The following ATP6V0A1 variants were observed in gnomAD, a reference collection of about 807,000 sequenced individuals.
ATP6V0A1 encodes the protein V-type proton ATPase 116 kDa subunit a 1.
Under a neutral mutation model 105.4 loss-of-function variants are expected in ATP6V0A1, and 43 were observed. That is an observed-to-expected ratio of 0.41 (90% CI 0.32 to 0.53). ATP6V0A1 has a LOEUF of 0.53. Among genes scored for constraint, ATP6V0A1 ranks in the 20% least tolerant of loss-of-function variants. The pLI, the probability that ATP6V0A1 is intolerant of heterozygous loss-of-function variation, is 0.30. For missense variants in ATP6V0A1, 676 were observed against 1,051.1 expected (o/e 0.64, Z 4.93); for synonymous variants, 362 against 372.8 (o/e 0.97, Z 0.33).
At chr17:42,508,656 T>C in intron 19 of ATP6V0A1, 67 bp downstream of exon 19, 1 of 1,602,136 alleles carries the variant, frequency 6.2e-7, no homozygotes, top group South Asian at 1.1e-5. Flanking sequence ...TTGTGATCAC[T>C]CTGCTGACCC....
chr17:42,513,730 G>A, intron 19 of ATP6V0A1, 131 bp from the exon 20 acceptor site: 1 of 843,972 alleles, frequency 1.2e-6, no homozygotes, highest in Non-Finnish European at 1.9e-6. Flanking sequence ...CTCCAGAGTT[G>A]AGGTGCCATC....
intron 17 of ATP6V0A1, among the ~76,000 whole-genome samples, chr17:42,502,496 G>GCGCA (rs372417096): frequency 6.0e-5 from 9 of 150,220 alleles, no homozygotes; most frequent in African/African-American, 1.5e-4. Flanking sequence ...TTCTGCGCGC[G>GCGCA]CACACACACA....
intron 17 of ATP6V0A1, among the ~76,000 whole-genome samples, chr17:42,505,913 G>A (rs1047268950): frequency 2.8e-4 from 42 of 151,602 alleles, no homozygotes; most frequent in Admixed American, 2.6e-3. Context: ...TCAGCCTCCA[G>A]AGTAGCTGGG....
chr17:42,503,333 CCTT>C (rs2091821639), intron 17 of ATP6V0A1, among the ~76,000 whole-genome samples: 1 of 152,174 alleles, frequency 6.6e-6, no homozygotes, highest in Non-Finnish European at 1.5e-5. Context: ...TAGTAACTTA[CCTT>C]CTTTTTGAAA....
intron 21 of ATP6V0A1, among the ~76,000 whole-genome samples, chr17:42,516,304 C>T (rs556515472): frequency 2.0e-5 from 3 of 152,220 alleles, no homozygotes; most frequent in South Asian, 2.1e-4. Context: ...GAATGATGGG[C>T]GGAGAGTGAG....
At chr17:42,478,219 G>A (rs1214990110) in intron 6 of ATP6V0A1, among the ~76,000 whole-genome samples, 1 of 124,738 alleles carries the variant, frequency 8.0e-6, no homozygotes, top group Non-Finnish European at 1.6e-5. Flanking sequence ...TGTGGGGTGG[G>A]GGGAGGGGGG....
At chr17:42,497,637 C>T (rs941586902) in intron 14 of ATP6V0A1, among the ~76,000 whole-genome samples, 2 of 151,140 alleles carry the variant, frequency 1.3e-5, no homozygotes, top group Non-Finnish European at 2.9e-5. Flanking sequence ...CATGCCACTG[C>T]ACTCCAGCCT....
intron 11 of ATP6V0A1, among the ~76,000 whole-genome samples, chr17:42,493,918 A>G (rs1039212784): frequency 2.6e-5 from 4 of 152,162 alleles, no homozygotes; most frequent in Non-Finnish European, 4.4e-5. Context: ...TCTGTCTGGC[A>G]GCTGGGGAGT....
rs920548515 is a variant in ATP6V0A1 at position 42,513,844 on chromosome 17, G to C, written c.2131-17G>C. On this transcript the variant is annotated splice_polypyrimidine_tract_variant and intron_variant, in intron 19 of 21. Transcript: ENST00000343619. Reference sequence around the variant, plus strand: ...CTCCTAGCCTTATATCTTCTCTCTGGTTTCCTCCCACGACAGTTTGACTTT... The same window carrying C: ...CTCCTAGCCTTATATCTTCTCTCTGCTTTCCTCCCACGACAGTTTGACTTT... 2 of 1,606,522 alleles carry C rather than the reference G, an allele frequency of 1.2e-6. No individual in the cohort carries two copies. The highest frequency in any genetic ancestry group is 2.7e-5 in the African/African-American group (2 of 74,760).
In ATP6V0A1 at chr17:42,522,476, GCT is replaced by G. The variant is rs1306592286; in HGVS notation, c.*1359_*1360del. The stretch of plus-strand genomic sequence containing the variant: ...GTCCTGGGTTTTCGTGATGATCTTT[GCT>G]CTGTTTCCAGTGGGGTTTGAAGCAG... On this transcript the variant is annotated 3_prime_UTR_variant, in exon 22 of 22. Transcript: ENST00000343619. The G allele has an allele frequency of 1.3e-5, 2 of 153,014 alleles. No homozygotes were observed. Among genetic ancestry groups the G allele is most frequent in the East Asian group, 3.8e-4 (2 of 5,326 alleles). The allele number at this position is 153,014 out of a possible 1,614,324, so 9.5% of individuals were successfully genotyped here. A position where few individuals can be genotyped will look rare whatever the true frequency, so the allele number is the denominator to read the frequency against.
Position 42,494,385 on chromosome 17 carries a change from AC to A in ATP6V0A1, c.1227del (p.Phe410SerfsTer6). The A allele has an allele frequency of 6.2e-7, 1 of 1,613,516 alleles. No homozygotes were observed. The highest frequency in any genetic ancestry group is 8.5e-7 in the Non-Finnish European group (1 of 1,179,722). ...TTTCTATTTGCTGTGATGTTTGGAG[AC>A]TTCGGTCATGGCATTTTAATGACCC... Reference protein sequence around the residue: ...FPFLFAVMFGDFGHGILMTLF... With the variant: ...FPFLFAVMFGXFGHGILMTLF... On this transcript the variant is annotated frameshift_variant, in exon 12 of 22. Coordinates refer to ENST00000343619, the MANE Select transcript of ATP6V0A1 (RefSeq NM_001130021.3). LOFTEE classifies it high-confidence loss of function.
At chr17:42,470,361 G>A in intron 5 of ATP6V0A1, 143 bp downstream of exon 5, 2 of 1,022,148 alleles carry the variant, frequency 2.0e-6, no homozygotes, top group Non-Finnish European at 2.9e-6. Context: ...ACAGAAATGT[G>A]AGATTATGTT....
intron 12 of ATP6V0A1, 96 bp from the exon 13 acceptor site, chr17:42,494,938 A>G (rs891040143): frequency 1.5e-6 from 2 of 1,315,622 alleles, no homozygotes; most frequent in African/African-American, 2.9e-5. Flanking sequence ...GGGGTAAAGT[A>G]GTGCTGGAGA....
At chr17:42,487,060 C>G in intron 9 of ATP6V0A1, 95 bp from the exon 10 acceptor site, 2 of 1,230,032 alleles carry the variant, frequency 1.6e-6, no homozygotes, top group Non-Finnish European at 2.4e-6. Context: ...TCCCTGGCAA[C>G]TCTTTTCAGA....
At chr17:42,497,765 C>T (rs1422721605) in intron 14 of ATP6V0A1, among the ~76,000 whole-genome samples, 5 of 151,648 alleles carry the variant, frequency 3.3e-5, no homozygotes, top group Admixed American at 2.0e-4. Context: ...TGGCCGGGCG[C>T]GGTGGCTCAC....
At chr17:42,473,198 C>G (rs1450826166) in intron 5 of ATP6V0A1, among the ~76,000 whole-genome samples, 1 of 152,200 alleles carries the variant, frequency 6.6e-6, no homozygotes, top group Non-Finnish European at 1.5e-5. Flanking sequence ...TCGCCAGTCC[C>G]TAATGACATC....
Position 42,521,161 on chromosome 17 carries a change from C to T in ATP6V0A1, c.*41C>T. 1 of 1,525,270 alleles carries T rather than the reference C, an allele frequency of 6.6e-7. No individual in the cohort carries two copies. Among genetic ancestry groups the T allele is most frequent in the East Asian group, 2.3e-5 (1 of 43,244 alleles). The allele number at this position is 1,525,270 out of a possible 1,614,324, so 94.5% of individuals were successfully genotyped here. A position where few individuals can be genotyped will look rare whatever the true frequency, so the allele number is the denominator to read the frequency against. Reference sequence around the variant, plus strand: ...GTGTGCCCCATGCTACCCTCCCCGCCTCCCTCCACAGTGATCAGCTGTGCC... The same window carrying T: ...GTGTGCCCCATGCTACCCTCCCCGCTTCCCTCCACAGTGATCAGCTGTGCC... On this transcript the variant is annotated 3_prime_UTR_variant, in exon 22 of 22. Coordinates refer to ENST00000343619, the MANE Select transcript of ATP6V0A1 (RefSeq NM_001130021.3). This position sits in a 1 kb window ranked among gnomAD's most constrained non-coding sequence, Gnocchi z 4.8.
chr17:42,491,002 G>A (rs972724573), intron 11 of ATP6V0A1, among the ~76,000 whole-genome samples: 2 of 152,174 alleles, frequency 1.3e-5, no homozygotes, highest in African/African-American at 4.8e-5. Flanking sequence ...TGGGACTACA[G>A]GCATGTGTCA....
intron 5 of ATP6V0A1, among the ~76,000 whole-genome samples, chr17:42,477,284 T>G (rs534242259): frequency 2.0e-5 from 3 of 152,354 alleles, no homozygotes; most frequent in African/African-American, 7.2e-5. Flanking sequence ...CCTATCTACA[T>G]GCAGAGGTAT....
Sources: allele counts gnomAD v4.1 joint callset (sites outside exome capture counted in the v4.1 genomes callset), GRCh38; gene constraint gnomAD v4.1.1; non-coding constraint Gnocchi (gnomAD v3.1); transcripts MANE v1.5; gene names NCBI Gene and HGNC (gene_info 2026-07-23, HGNC 2026-07-21).